The following LSM3 variants were observed in gnomAD, a reference collection of about 807,000 sequenced individuals.
The protein encoded by LSM3 is LSM3 homolog, U6 small nuclear RNA and mRNA degradation associated.
Under a neutral mutation model 15.4 loss-of-function variants are expected in LSM3, and 14 were observed. The observed-to-expected ratio is 0.91, with a 90% CI of 0.60 to 1.42. The LOEUF (loss-of-function observed/expected upper bound fraction) is 1.42. LSM3 is among the 40% of genes most tolerant of loss of function. The pLI is 0.00. For missense variants in LSM3, 88 were observed against 127.9 expected, an observed-to-expected ratio of 0.69 and a Z score of 1.50; for synonymous variants, 46 against 45.1, an observed-to-expected ratio of 1.02 and a Z score of -0.08.
chr3:14,191,635 A>G (rs563175701), intron 3 of LSM3, among the ~76,000 whole-genome samples: 4 of 152,020 alleles, frequency 2.6e-5, no homozygotes, highest in Non-Finnish European at 5.9e-5. Flanking sequence ...GACATCCCCT[A>G]TATCATTTTT....
chr3:14,190,428 A>G (rs891291387), intron 3 of LSM3, among the ~76,000 whole-genome samples: 1 of 152,204 alleles, frequency 6.6e-6, no homozygotes, highest in Non-Finnish European at 1.5e-5. Flanking sequence ...ATCCATGAGC[A>G]TGGAATCTTT....
intron 3 of LSM3, among the ~76,000 whole-genome samples, chr3:14,194,239 ACCC>A (rs1325101185): frequency 1.1e-4 from 17 of 152,212 alleles, no homozygotes; most frequent in Non-Finnish European, 2.2e-4. Flanking sequence ...GGGGTCAGGG[ACCC>A]ACTTGAGGAG....
At chr3:14,185,036 A>G (rs1183069958) in intron 3 of LSM3, among the ~76,000 whole-genome samples, 1 of 150,900 alleles carries the variant, frequency 6.6e-6, no homozygotes, top group African/African-American at 2.4e-5. Context: ...CAGCCTTGTC[A>G]ACAAGAGTGA....
intron 3 of LSM3, among the ~76,000 whole-genome samples, chr3:14,195,818 C>T (rs541368462): frequency 1.5e-4 from 23 of 152,178 alleles, no homozygotes; most frequent in Non-Finnish European, 2.6e-4. Context: ...ACTAAGCAGT[C>T]ATTTGGGTAG....
intron 3 of LSM3, among the ~76,000 whole-genome samples, chr3:14,184,874 G>A (rs1466960353): frequency 6.6e-6 from 1 of 151,984 alleles, no homozygotes; most frequent in Non-Finnish European, 1.5e-5. Context: ...TGACCAATAT[G>A]GTGAAGCCCT....
At chr3:14,179,227 G>T (rs1260495763) in intron 1 of LSM3, among the ~76,000 whole-genome samples, 2 of 152,324 alleles carry the variant, frequency 1.3e-5, no homozygotes. Context: ...TATTCATTCA[G>T]CAGATAGAGT....
chr3:14,180,821 CTTTTTTTTTTTTTTTT>C (rs1164090236), intron 1 of LSM3, among the ~76,000 whole-genome samples: 624 of 46,752 alleles, frequency 0.013, 16 homozygotes, highest in African/African-American at 0.042. Context: ...GCTTGCTTGC[CTTTTTTTTTTTTTTTT>C]TTTTTTTTTT....
intron 1 of LSM3, 53 bp from the exon 2 acceptor site, chr3:14,181,507 T>A: frequency 8.7e-7 from 1 of 1,149,672 alleles, no homozygotes; most frequent in Non-Finnish European, 1.3e-6. Context: ...AGCAGTGATT[T>A]AAGCACTACT....
At position 14,181,587 on chromosome 3, in the gene LSM3, C is replaced by T. The variant is rs376343870; in HGVS notation, c.49C>T (p.Pro17Ser). The change falls in exon 2 of 4, where the codon CCC becomes TCC. Residue 17 changes from proline (P) to serine (S), a missense_variant. Pro to Ser is a moderately conservative substitution (Grantham distance 74). Coordinates refer to ENST00000306024, the MANE Select transcript of LSM3 (RefSeq NM_014463.3). ...ACAAACTACCAACACTGTAGAGGAG[C>T]CCCTGGATCTTATCAGGCTCAGCCT... is the stretch of plus-strand genomic sequence containing the variant. ...QQQTTNTVEEPLDLIRLSLDE... is the reference protein window; with the variant it reads ...QQQTTNTVEESLDLIRLSLDE... 18 of 1,613,278 alleles carry T rather than the reference C, an allele frequency of 1.1e-5. No homozygotes were observed. The African/African-American group carries it at 1.7e-4, about 16-fold the overall frequency.
intron 3 of LSM3, among the ~76,000 whole-genome samples, chr3:14,188,860 G>A (rs1487362051): frequency 6.6e-6 from 1 of 151,864 alleles, no homozygotes; most frequent in African/African-American, 2.4e-5. Context: ...ATAACGTGCA[G>A]TTTTGTTACA....
intron 3 of LSM3, among the ~76,000 whole-genome samples, chr3:14,184,341 A>G (rs186905363): frequency 2.6e-3 from 391 of 152,340 alleles, no homozygotes; most frequent in Middle Eastern, 6.8e-3. Context: ...CAAGGTGGCT[A>G]TGTATAATAG....
chr3:14,178,843 G>A lies in LSM3; in HGVS notation c.-18G>A, dbSNP rs768498527. 8 of 1,614,122 alleles carry A rather than the reference G, an allele frequency of 5.0e-6. No homozygotes were observed. The highest frequency in any genetic ancestry group is 6.8e-6 in the Non-Finnish European group (8 of 1,180,040). On this transcript the variant is annotated 5_prime_UTR_variant, in exon 1 of 4. Coordinates refer to ENST00000306024, the MANE Select transcript of LSM3 (RefSeq NM_014463.3). ...TTGTGTTCTCGCGAGAGGCGGGAAAGGGCGCAGGGTTTGAAACATGGCGGA... is the reference window on the plus strand; with the variant it reads ...TTGTGTTCTCGCGAGAGGCGGGAAAAGGCGCAGGGTTTGAAACATGGCGGA...
rs534973562 is a variant in LSM3 at position 14,200,932 on chromosome 3, G to A, written c.*2816G>A. The A allele has an allele frequency of 6.6e-6, 1 of 152,278 alleles. No individual in the cohort carries two copies. The highest frequency in any genetic ancestry group is 1.9e-4 in the East Asian group (1 of 5,170). The allele number at this position is 152,278 out of a possible 1,614,324, so 9.4% of individuals were successfully genotyped here. A position where few individuals can be genotyped will look rare whatever the true frequency, so the allele number is the denominator to read the frequency against. On this transcript the variant is annotated 3_prime_UTR_variant, in exon 4 of 4. Transcript: ENST00000306024. ...GGATTACTTGAGCCCAGGAGTTCGAGATCAGCCTGAGCAACATAACAAGAC... is the reference window on the plus strand; with the variant it reads ...GGATTACTTGAGCCCAGGAGTTCGAAATCAGCCTGAGCAACATAACAAGAC...
At chr3:14,188,709 G>A (rs1165087634) in intron 3 of LSM3, among the ~76,000 whole-genome samples, 1 of 152,108 alleles carries the variant, frequency 6.6e-6, no homozygotes, top group Non-Finnish European at 1.5e-5. Context: ...TCACTGTGTA[G>A]ATGTACCATA....
rs574376470 is a variant in LSM3, at chr3:14,185,998, G to A, written c.228+1966G>A. 4.0e-5 allele frequency among the ~76,000 whole-genome samples: 6 copies of A among 151,712 alleles called. No homozygotes were observed. In the South Asian group the frequency reaches 6.2e-4, roughly 16 times the overall value. ...TCAGTCTCAGCTCACTGCAGCCTCC[G>A]CCTCCCAGGTTCAAGCAATTCTCGT... On this transcript the variant is annotated intron_variant, in intron 3 of 3. Coordinates refer to ENST00000306024, the MANE Select transcript of LSM3 (RefSeq NM_014463.3).
At position 14,178,878 on chromosome 3, in the gene LSM3, C is replaced by G. The variant is rs371231315; in HGVS notation, c.18C>G (p.Asp6Glu). The G allele has an allele frequency of 1.9e-6, 3 of 1,614,200 alleles. No homozygotes were observed. The highest frequency in any genetic ancestry group is 1.1e-5 in the South Asian group (1 of 91,084). The change falls in exon 1 of 4, where the codon GAC becomes GAG. Residue 6 changes from aspartate to glutamate, a missense_variant. Physicochemically the swap from Asp to Glu is conservative, Grantham distance 45 (BLOSUM62 2). Coordinates refer to ENST00000306024, the MANE Select transcript of LSM3 (RefSeq NM_014463.3). MADDV[D>E]QQQTTNTVEE... is the part of the protein sequence containing the mutation. Reference sequence around the variant, plus strand: ...TTTGAAACATGGCGGACGACGTAGACCAGGTAAGTGTATTTTAAGGAGGTC... The same window carrying G: ...TTTGAAACATGGCGGACGACGTAGAGCAGGTAAGTGTATTTTAAGGAGGTC...
At chr3:14,185,623 G>A (rs186171617) in intron 3 of LSM3, among the ~76,000 whole-genome samples, 2 of 152,298 alleles carry the variant, frequency 1.3e-5, no homozygotes, top group East Asian at 3.9e-4. Flanking sequence ...TTTGTTTTGT[G>A]AATGTTCTAC....
At chr3:14,195,143 T>C (rs775659159) in intron 3 of LSM3, among the ~76,000 whole-genome samples, 36 of 152,196 alleles carry the variant, frequency 2.4e-4, no homozygotes, top group Non-Finnish European at 4.9e-4. Flanking sequence ...TTGTGTCTTC[T>C]GGCTCCACCA....
chr3:14,187,766 A>T (rs1697102539), intron 3 of LSM3, among the ~76,000 whole-genome samples: 1 of 152,220 alleles, frequency 6.6e-6, no homozygotes, highest in Non-Finnish European at 1.5e-5. Flanking sequence ...CCTATAACTT[A>T]CATAATTGAC....
Sources: allele counts gnomAD v4.1 joint callset (sites outside exome capture counted in the v4.1 genomes callset), GRCh38; gene constraint gnomAD v4.1.1; transcripts MANE v1.5; gene names NCBI Gene and HGNC (gene_info 2026-07-23, HGNC 2026-07-21).